Variants in PTGDS observed in about 807,000 individuals in gnomAD.
PTGDS encodes prostaglandin D2 synthase.
Under a neutral mutation model 28.4 loss-of-function variants are expected in PTGDS, and 21 were observed. The ratio of observed to expected loss-of-function variants is 0.74; its 90% CI spans 0.52 to 1.07. The LOEUF (loss-of-function observed/expected upper bound fraction) is 1.07. Ranked by LOEUF, PTGDS falls within the 50% of genes least tolerant of loss-of-function variation. PTGDS has a pLI of 0.00. For synonymous variants in PTGDS, 102 were observed against 106.0 expected, an observed-to-expected ratio of 0.96 and a Z score of 0.23; for missense variants, 243 against 247.7, an observed-to-expected ratio of 0.98 and a Z score of 0.13.
At chr9:136,981,086 A>G (rs1050961525) in intron 6 of PTGDS, 5 of 622,698 alleles carry the variant, frequency 8.0e-6, no homozygotes, top group Non-Finnish European at 1.3e-5. Flanking sequence ...AGTGGCTGGA[A>G]CAGGGCTGAC....
In PTGDS at chr9:136,980,051, C is replaced by T; in HGVS notation, c.437C>T (p.Ala146Val). ...GGCCCTGGCGAGGACTTCCGCATGG[C>T]CACCCTCTACAGTACGTGCCCCGTG... ...SKGPGEDFRM[A>V]TLYSRTQTPR... Residue 146 changes from alanine to valine, a missense_variant, in exon 4 of 7, where the codon GCC (alanine) becomes GTC (valine). Physicochemically the swap from Ala to Val is moderately conservative, Grantham distance 64 (BLOSUM62 0). Coordinates refer to ENST00000371625, the MANE Select transcript of PTGDS (RefSeq NM_000954.6). The T allele has an allele frequency of 2.5e-6, 4 of 1,611,860 alleles. No individual in the cohort carries two copies. The highest frequency in any genetic ancestry group is 3.4e-6 in the Non-Finnish European group (4 of 1,179,374).
chr9:136,979,950 GGGC>G lies in PTGDS; in HGVS notation c.337_339del (p.Gly113del), dbSNP rs2131397701. 6.2e-7 allele frequency: 1 copy of G among 1,613,170 alleles called. No homozygotes were observed. Among genetic ancestry groups the G allele is most frequent in the East Asian group, 2.2e-5 (1 of 44,862 alleles). ...GGTTGTCTCTTGGGTTCCCAGACTGGGGCAGCACCTACTCCGTGTCAGTGGTGG... is the reference window on the plus strand; with the variant it reads ...GGTTGTCTCTTGGGTTCCCAGACTGGAGCACCTACTCCGTGTCAGTGGTGG... On this transcript the variant is annotated inframe_deletion, in exon 4 of 7. Transcript: ENST00000371625.
intron 1 of PTGDS, 28 bp downstream of exon 1, chr9:136,977,720 A>T: frequency 6.5e-7 from 1 of 1,530,822 alleles, no homozygotes; most frequent in Non-Finnish European, 8.8e-7. Context: ...GTCATCCCCA[A>T]GGGCTACAGG....
intron 1 of PTGDS, among the ~76,000 whole-genome samples, chr9:136,978,448 G>T (rs1375915958): frequency 4.7e-5 from 7 of 149,456 alleles, no homozygotes; most frequent in African/African-American, 1.5e-4. Flanking sequence ...TGAGGCGTGA[G>T]GGGCGGGGCC....
At chr9:136,979,544 C>T (rs1830423657) in intron 3 of PTGDS, 1 of 1,243,780 alleles carries the variant, frequency 8.0e-7, no homozygotes, top group Non-Finnish European at 1.1e-6. Context: ...AGGCCCCTTC[C>T]CTGCCCTCTG....
Position 136,978,694 on chromosome 9 carries a change from G to A in PTGDS, c.115-299G>A, listed in dbSNP as rs1233740182. 3 of 329,136 alleles carry A rather than the reference G, an allele frequency of 9.1e-6. No homozygotes were observed. In the Admixed American group the frequency reaches 1.3e-4, roughly 15 times the overall value. The allele number at this position is 329,136 out of a possible 1,614,324, so 20.4% of individuals were successfully genotyped here. ...TTGGGGCGGGGTCGTGAGGGGCGTG[G>A]TCAGCTCCTGGGGCGGGGATGTGAG... is the stretch of plus-strand genomic sequence containing the variant. On this transcript the variant is annotated intron_variant, in intron 1 of 6. Coordinates refer to ENST00000371625, the MANE Select transcript of PTGDS (RefSeq NM_000954.6).
chr9:136,979,514 G>T (rs1255490606), intron 3 of PTGDS: 3 of 1,438,896 alleles, frequency 2.1e-6, no homozygotes, highest in Non-Finnish European at 2.8e-6. Context: ...ATCCTCTCTG[G>T]AGCCCACCAT....
At position 136,978,183 on chromosome 9, in the gene PTGDS, C is replaced by T. The variant is rs576840899; in HGVS notation, c.114+491C>T. On this transcript the variant is annotated intron_variant, in intron 1 of 6. Transcript: ENST00000371625. ...AGCGCGGGTCCCCGCGCCGCGCGCC[C>T]CTCCCTGGCGTCGAGGAGAACCCCA... Among the ~76,000 whole-genome samples, 72 of 152,248 alleles carry T rather than the reference C, an allele frequency of 4.7e-4. 1 individual carries two copies. In the Middle Eastern group the frequency reaches 0.01, roughly 22 times the overall value.
At chr9:136,978,113 C>T (rs1011154572) in intron 1 of PTGDS, among the ~76,000 whole-genome samples, 3 of 152,148 alleles carry the variant, frequency 2.0e-5, no homozygotes, top group African/African-American at 4.8e-5. Flanking sequence ...CACAGACAGC[C>T]GGCGACGCGC....
chr9:136,980,922 C>A, intron 6 of PTGDS, 67 bp downstream of exon 6: 1 of 1,523,436 alleles, frequency 6.6e-7, no homozygotes, highest in South Asian at 1.3e-5. Flanking sequence ...TCCACCCAAC[C>A]CACTCTGCGA....
Position 136,977,687 on chromosome 9 carries a change from G to GAGA in PTGDS, c.110_111insGAA (p.Asp37delinsGluAsn). ...CTCCGTGCAGCCCAACTTCCAGCAG[G>GAGA]ACAAGGTGAGGGGCTTTCCTGCGTC... On this transcript the variant is annotated protein_altering_variant, in exon 1 of 7. Coordinates refer to ENST00000371625, the MANE Select transcript of PTGDS (RefSeq NM_000954.6). The GAGA allele has an allele frequency of 6.3e-7, 1 of 1,595,388 alleles. No homozygotes were observed. The highest frequency in any genetic ancestry group is 8.5e-7 in the Non-Finnish European group (1 of 1,172,854).
chr9:136,980,112 T>C lies in PTGDS; in HGVS notation c.448+50T>C, dbSNP rs1830430872. 7 of 1,605,986 alleles carry C rather than the reference T, an allele frequency of 4.4e-6. No homozygotes were observed. The African/African-American group carries it at 8.0e-5, about 18-fold the overall frequency. The stretch of plus-strand genomic sequence containing the variant: ...ACACGCAGGCCTGACCAGAGGGGGC[T>C]CCCCAAGACCCAGGGCAGGGCACAC... On this transcript the variant is annotated intron_variant, in intron 4 of 6. Transcript: ENST00000371625.
intron 5 of PTGDS, 142 bp downstream of exon 5, chr9:136,980,426 C>G: frequency 1.0e-6 from 1 of 990,748 alleles, no homozygotes; most frequent in African/African-American, 1.6e-5. Flanking sequence ...GGTGAGTGTT[C>G]AAGTCAGAAC....
chr9:136,979,842 G>T, intron 3 of PTGDS, 104 bp from the exon 4 acceptor site: 1 of 1,110,024 alleles, frequency 9.0e-7, no homozygotes. Flanking sequence ...CGGGCCAGCC[G>T]AGGGGCTGAG....
At chr9:136,980,788 T>G (rs1830439021) in intron 5 of PTGDS, 45 bp from the exon 6 acceptor site, 1 of 1,613,900 alleles carries the variant, frequency 6.2e-7, no homozygotes, top group Admixed American at 1.7e-5. Flanking sequence ...AAAATTGGCC[T>G]AAGTCTGGGG....
At position 136,980,646 on chromosome 9, in the gene PTGDS, C is replaced by A. The variant is rs774777448; in HGVS notation, c.551-187C>A. 5.2e-6 allele frequency: 8 copies of A among 1,547,734 alleles called. No individual in the cohort carries two copies. The African/African-American group carries it at 1.1e-4, about 21-fold the overall frequency. On this transcript the variant is annotated intron_variant, in intron 5 of 6. Coordinates refer to ENST00000371625, the MANE Select transcript of PTGDS (RefSeq NM_000954.6). ...CTAGGGGTGGACAGCCTGCTCTTGG[C>A]AGAGGTGGAGAAAGACCCTCTCTTT...
At chr9:136,981,373 C>A (rs868099548) in intron 6 of PTGDS, among the ~76,000 whole-genome samples, 7 of 152,070 alleles carry the variant, frequency 4.6e-5, no homozygotes, top group Admixed American at 6.5e-5. Context: ...GTCTGTGGAC[C>A]CTGGGGCTGG....
intron 3 of PTGDS, 199 bp downstream of exon 3, chr9:136,979,498 G>A (rs1418926468): frequency 1.3e-6 from 2 of 1,498,900 alleles, no homozygotes; most frequent in East Asian, 2.5e-5. Flanking sequence ...TCCTCCAGGG[G>A]GTTGGATCCT....
intron 1 of PTGDS, among the ~76,000 whole-genome samples, chr9:136,978,186 C>T (rs974654164): frequency 6.6e-6 from 1 of 151,336 alleles, no homozygotes; most frequent in Non-Finnish European, 1.5e-5. Flanking sequence ...GCGCGCCCCT[C>T]CCTGGCGTCG....
Sources: allele counts gnomAD v4.1 joint callset (sites outside exome capture counted in the v4.1 genomes callset), GRCh38; gene constraint gnomAD v4.1.1; transcripts MANE v1.5; gene names NCBI Gene and HGNC (gene_info 2026-07-23, HGNC 2026-07-21).